SMIM31: variants seen among roughly 807,000 people sequenced by gnomAD.
SMIM31 encodes the protein human epithelial cell program regulator.
intron 2 of SMIM31, among the ~76,000 whole-genome samples, chr4:164,798,814 A>T (rs1372073633): frequency 6.6e-6 from 1 of 152,006 alleles, no homozygotes; most frequent in South Asian, 2.1e-4. Flanking sequence ...GGGTGATTGG[A>T]TCATGGGGGT....
chr4:164,777,073 C>T (rs1262543475), intron 2 of SMIM31, among the ~76,000 whole-genome samples: 2 of 152,200 alleles, frequency 1.3e-5, no homozygotes, highest in Admixed American at 1.3e-4. Flanking sequence ...TTCTTGAAAA[C>T]TCAGTGACAT....
At chr4:164,799,123 C>T (rs760936941) in intron 2 of SMIM31, among the ~76,000 whole-genome samples, 3 of 152,154 alleles carry the variant, frequency 2.0e-5, no homozygotes, top group African/African-American at 7.2e-5. Context: ...TGGTGGCTCA[C>T]GTCTATAATC....
intron 2 of SMIM31, among the ~76,000 whole-genome samples, chr4:164,795,968 CT>C (rs1423096129): frequency 6.6e-6 from 1 of 152,148 alleles, no homozygotes; most frequent in Non-Finnish European, 1.5e-5. Flanking sequence ...ACCTTCACTC[CT>C]TGCTGACATC....
rs1732773099 is a variant in SMIM31, at chr4:164,770,057, T to C, written c.-25-362T>C. Among the ~76,000 whole-genome samples, 3 of 152,104 alleles carry C rather than the reference T, an allele frequency of 2.0e-5. No individual in the cohort carries two copies. In the South Asian group the frequency reaches 6.2e-4, roughly 31 times the overall value. ...GAGTTATTATGAGGATTAAAGGAGG[T>C]AATAGCTCAAGCTTTTTCAAGTGCC... On this transcript the variant is annotated intron_variant, in intron 1 of 2. Coordinates refer to ENST00000507311, the MANE Select transcript of SMIM31 (RefSeq NM_001352885.1).
intron 1 of SMIM31, among the ~76,000 whole-genome samples, chr4:164,764,347 T>A (rs1732691581): frequency 1.3e-5 from 2 of 151,928 alleles, no homozygotes; most frequent in Admixed American, 1.3e-4. Context: ...GGCGGGCAGA[T>A]CATGAGGTCA....
At chr4:164,772,619 C>T (rs1418193128) in intron 2 of SMIM31, among the ~76,000 whole-genome samples, 1 of 148,102 alleles carries the variant, frequency 6.8e-6, no homozygotes, top group South Asian at 2.1e-4. Flanking sequence ...CGCTCTGTCG[C>T]CCAGGCTGGA....
chr4:164,776,909 C>G (rs981451399), intron 2 of SMIM31, among the ~76,000 whole-genome samples: 2 of 151,994 alleles, frequency 1.3e-5, no homozygotes, highest in African/African-American at 4.8e-5. Context: ...TAATTTAATC[C>G]TAAGATTAGG....
intron 2 of SMIM31, among the ~76,000 whole-genome samples, chr4:164,782,383 T>A (rs866050616): frequency 5.3e-4 from 77 of 145,830 alleles, no homozygotes; most frequent in East Asian, 2.6e-3. Context: ...TTTTATTTTT[T>A]TTTTTTTTTT....
chr4:164,780,199 G>A (rs1186213245), intron 2 of SMIM31, among the ~76,000 whole-genome samples: 3 of 152,160 alleles, frequency 2.0e-5, no homozygotes, highest in African/African-American at 4.8e-5. Flanking sequence ...AGGCCAAGGC[G>A]GGTGGATCAC....
intron 2 of SMIM31, among the ~76,000 whole-genome samples, chr4:164,775,186 T>G (rs1180020526): frequency 6.6e-6 from 1 of 152,190 alleles, no homozygotes; most frequent in Admixed American, 6.5e-5. Context: ...GGAAAAGAAC[T>G]ACCTTTCCCC....
intron 2 of SMIM31, among the ~76,000 whole-genome samples, chr4:164,798,356 C>T (rs1246537921): frequency 1.3e-5 from 2 of 151,872 alleles, no homozygotes; most frequent in Non-Finnish European, 2.9e-5. Flanking sequence ...GCCTCAGCCT[C>T]CTGAGTAGCT....
intron 1 of SMIM31, among the ~76,000 whole-genome samples, chr4:164,762,289 C>T (rs188807165): frequency 5.9e-4 from 90 of 152,216 alleles, no homozygotes; most frequent in Non-Finnish European, 8.8e-5. Context: ...TGGAGATATA[C>T]CTAACATCAA....
chr4:164,766,417 C>T (rs952797678), intron 1 of SMIM31, among the ~76,000 whole-genome samples: 2 of 152,046 alleles, frequency 1.3e-5, no homozygotes, highest in African/African-American at 2.4e-5. Flanking sequence ...ACTATATGCC[C>T]GTCATTTTTC....
chr4:164,766,326 G>T lies in SMIM31; in HGVS notation c.-25-4093G>T, dbSNP rs77476728. Among the ~76,000 whole-genome samples the T allele has an allele frequency of 4.0e-3, 615 of 152,242 alleles. 6 individuals carry two copies. The highest frequency in any genetic ancestry group is 0.014 in the African/African-American group (584 of 41,538). Reference sequence around the variant, plus strand: ...TCCATTCACAGCTGTGAAATTCAGAGTTTTGCATCAACTTGCCTTCTTCGG... The same window carrying T: ...TCCATTCACAGCTGTGAAATTCAGATTTTTGCATCAACTTGCCTTCTTCGG... On this transcript the variant is annotated intron_variant, in intron 1 of 2. Coordinates refer to ENST00000507311, the MANE Select transcript of SMIM31 (RefSeq NM_001352885.1).
At chr4:164,772,680 G>C (rs576747830) in intron 2 of SMIM31, among the ~76,000 whole-genome samples, 1 of 151,140 alleles carries the variant, frequency 6.6e-6, no homozygotes, top group African/African-American at 2.4e-5. Flanking sequence ...CCGGGTTCAC[G>C]CCATTCTCCT....
intron 2 of SMIM31, among the ~76,000 whole-genome samples, chr4:164,793,718 T>C (rs916180724): frequency 6.6e-6 from 1 of 152,156 alleles, no homozygotes; most frequent in African/African-American, 2.4e-5. Context: ...ATGACCTCAT[T>C]GAACCTCAAT....
intron 2 of SMIM31, among the ~76,000 whole-genome samples, chr4:164,786,847 C>T (rs1388861434): frequency 6.6e-6 from 1 of 152,168 alleles, no homozygotes; most frequent in East Asian, 1.9e-4. Flanking sequence ...CCATTTTAAA[C>T]ATAAATGGGT....
intron 2 of SMIM31, among the ~76,000 whole-genome samples, chr4:164,797,465 C>CTTTTT (rs70952643): frequency 3.8e-5 from 5 of 131,352 alleles, no homozygotes; most frequent in African/African-American, 8.7e-5. Context: ...GATTTCTTTT[C>CTTTTT]TTTTTTTTTT....
rs563459805 is a variant in SMIM31 at position 164,764,222 on chromosome 4, T to C, written c.-25-6197T>C. Among the ~76,000 whole-genome samples, 7 of 152,282 alleles carry C rather than the reference T, an allele frequency of 4.6e-5. No homozygotes were observed. In the East Asian group the frequency reaches 1.4e-3, roughly 29 times the overall value. ...AGGCATGGATTGCCCTATATGTTTT[T>C]TTAAATGAGGCCTGACCGGCAACCA... On this transcript the variant is annotated intron_variant, in intron 1 of 2. Coordinates refer to ENST00000507311, the MANE Select transcript of SMIM31 (RefSeq NM_001352885.1).
Sources: gnomAD v4.1 joint callset for allele counts (sites outside exome capture counted in the v4.1 genomes callset) on GRCh38, gnomAD v4.1.1 for gene constraint, MANE v1.5 for transcripts, NCBI Gene and HGNC (gene_info 2026-07-23, HGNC 2026-07-21) for gene names.